Variants in RPTOR observed in about 807,000 individuals in gnomAD.
RPTOR encodes regulatory associated protein of MTOR complex 1.
A neutral mutation model predicts 169.9 loss-of-function variants in RPTOR; 21 were observed. The ratio of observed to expected loss-of-function variants is 0.12; its 90% confidence interval spans 0.09 to 0.18. The LOEUF (loss-of-function observed/expected upper bound fraction) is 0.18. RPTOR is among the 10% of genes least tolerant of loss of function. The pLI is 1.00. For synonymous variants in RPTOR, 732 were observed against 753.2 expected, an observed-to-expected ratio of 0.97 and a Z score of 0.46; for missense variants, 1,133 against 1,855.9, an observed-to-expected ratio of 0.61 and a Z score of 7.16.
intron 28 of RPTOR, among the ~76,000 whole-genome samples, chr17:80,950,132 C>T (rs551345768): frequency 6.6e-6 from 1 of 152,296 alleles, no homozygotes; most frequent in East Asian, 1.9e-4. Context: ...AGGAGGCTCC[C>T]GGGGTCAGGC....
intron 6 of RPTOR, among the ~76,000 whole-genome samples, chr17:80,773,135 T>C (rs2066861215): frequency 6.6e-6 from 1 of 151,080 alleles, no homozygotes; most frequent in Non-Finnish European, 1.5e-5. Flanking sequence ...GAGAAAGCAG[T>C]GTGTTTGGCT....
At chr17:80,811,774 A>G (rs35411641) in intron 7 of RPTOR, among the ~76,000 whole-genome samples, 11 of 131,024 alleles carry the variant, frequency 8.4e-5, no homozygotes, top group South Asian at 2.6e-4. Flanking sequence ...AAGGGACACA[A>G]CCACACCCTC....
At chr17:80,745,518 A>G (rs1169839863) in intron 5 of RPTOR, among the ~76,000 whole-genome samples, 2 of 122,098 alleles carry the variant, frequency 1.6e-5, no homozygotes, top group African/African-American at 2.7e-5. Flanking sequence ...TATATTAAAA[A>G]TATGATTTCT....
chr17:80,685,644 T>TTTTTTA (rs2065940359), intron 3 of RPTOR, among the ~76,000 whole-genome samples: 7 of 72,284 alleles, frequency 9.7e-5, no homozygotes, highest in Non-Finnish European at 8.4e-5. Context: ...TTTTTTTTTT[T>TTTTTTA]TTTTTTTTTT....
At chr17:80,700,811 G>GTGATGGTAGAGA (rs2066094072) in intron 3 of RPTOR, among the ~76,000 whole-genome samples, 1 of 90,192 alleles carries the variant, frequency 1.1e-5, no homozygotes, top group Non-Finnish European at 2.5e-5. Flanking sequence ...GATGATGGTG[G>GTGATGGTAGAGA]TGATGGTGAT....
chr17:80,838,793 C>T (rs1490415152), intron 10 of RPTOR, among the ~76,000 whole-genome samples: 1 of 152,154 alleles, frequency 6.6e-6, no homozygotes, highest in African/African-American at 2.4e-5. Context: ...GTGTCAGGCT[C>T]CAGAGCCACA....
intron 32 of RPTOR, 91 bp from the exon 33 acceptor site, chr17:80,962,837 G>T: frequency 6.4e-7 from 1 of 1,573,232 alleles, no homozygotes. Context: ...CCGTGGTCTA[G>T]CCGGCCTGTC....
intron 2 of RPTOR, among the ~76,000 whole-genome samples, chr17:80,629,236 T>G (rs921670676): frequency 2.0e-5 from 3 of 152,010 alleles, no homozygotes; most frequent in Non-Finnish European, 4.4e-5. Context: ...TCCATGTGTC[T>G]CTGTCTTCTG....
rs142485981 is a variant in RPTOR at position 80,799,550 on chromosome 17, T to C, written c.890+8041T>C. Reference sequence around the variant, plus strand: ...CCCTTGAGAATACCTCTCTTGCCACTAAGTGTGAGGACGACGTTGGTTCCT... The same window carrying C: ...CCCTTGAGAATACCTCTCTTGCCACCAAGTGTGAGGACGACGTTGGTTCCT... On this transcript the variant is annotated intron_variant, in intron 7 of 33. Coordinates refer to ENST00000306801, the MANE Select transcript of RPTOR (RefSeq NM_020761.3). Among the ~76,000 whole-genome samples, 354 of 152,340 alleles carry C rather than the reference T, an allele frequency of 2.3e-3. 1 individual carries two copies. Among genetic ancestry groups the C allele is most frequent in the African/African-American group, 8.1e-3 (335 of 41,578 alleles).
At chr17:80,678,184 G>C (rs2065873612) in intron 3 of RPTOR, among the ~76,000 whole-genome samples, 1 of 152,224 alleles carries the variant, frequency 6.6e-6, no homozygotes, top group Admixed American at 6.5e-5. Flanking sequence ...GTAGGTAGTT[G>C]ACAGAAAATT....
intron 1 of RPTOR, among the ~76,000 whole-genome samples, chr17:80,594,481 G>A (rs541345911): frequency 6.6e-6 from 1 of 152,234 alleles, no homozygotes; most frequent in African/African-American, 2.4e-5. Context: ...CTCTGTCAAT[G>A]TTCTTGGAAT....
rs962902878 is a variant in RPTOR at position 80,754,339 on chromosome 17, A to G, written c.830+154A>G. 5.3e-5 allele frequency among the ~76,000 whole-genome samples: 8 copies of G among 152,106 alleles called. No individual in the cohort carries two copies. Among genetic ancestry groups the G allele is most frequent in the African/African-American group, 1.9e-4 (8 of 41,416 alleles). ...TTCTTTTTGTGTCATTCGGGATTCC[A>G]GGTGGAGGTTTGGGTTCTACTCTTT... On this transcript the variant is annotated intron_variant, in intron 6 of 33. Transcript: ENST00000306801. This position sits in a 1 kb window ranked among gnomAD's most constrained non-coding sequence, Gnocchi z 4.2.
chr17:80,746,814 G>C lies in RPTOR; in HGVS notation c.655-7196G>C, dbSNP rs1281074094. Among the ~76,000 whole-genome samples, 2 of 151,802 alleles carry C rather than the reference G, an allele frequency of 1.3e-5. No homozygotes were observed. On this transcript the variant is annotated intron_variant, in intron 5 of 33. Transcript: ENST00000306801. The surrounding 1 kb of genome is among the most constrained non-coding windows in gnomAD (Gnocchi z 4.5). ...AGATGCAAAACCAAAACAGTGTATA[G>C]GAAATAACTCATCTGTTGAAATAGT... is the stretch of plus-strand genomic sequence containing the variant.
rs571617828 is a variant in RPTOR, at chr17:80,557,384, G to A, written c.162+11593G>A. Among the ~76,000 whole-genome samples the A allele has an allele frequency of 9.9e-5, 15 of 151,880 alleles. No homozygotes were observed. In the South Asian group the frequency reaches 1.0e-3, roughly 11 times the overall value. ...AAAAATTTAAAAATTAGGCGTGGTC[G>A]TGGATGCCTGTTATCCCAGCTACTT... On this transcript the variant is annotated intron_variant, in intron 1 of 33. Coordinates refer to ENST00000306801, the MANE Select transcript of RPTOR (RefSeq NM_020761.3).
Position 80,675,995 on chromosome 17 carries a change from G to A in RPTOR, c.349-31846G>A, listed in dbSNP as rs1000108474. 3.4e-4 allele frequency among the ~76,000 whole-genome samples: 51 copies of A among 152,148 alleles called. 1 individual carries two copies. Among genetic ancestry groups the A allele is most frequent in the African/African-American group, 1.2e-3 (48 of 41,422 alleles). ...TTCACTAAATCACAAAATCTGAAAGGTGTACAAGCAGACAATTCTGAAAGA... is the reference window on the plus strand; with the variant it reads ...TTCACTAAATCACAAAATCTGAAAGATGTACAAGCAGACAATTCTGAAAGA... On this transcript the variant is annotated intron_variant, in intron 3 of 33. Coordinates refer to ENST00000306801, the MANE Select transcript of RPTOR (RefSeq NM_020761.3).
chr17:80,634,151 G>GTACAGTGTGTGTGTGCA (rs2065464205), intron 2 of RPTOR, among the ~76,000 whole-genome samples: 2 of 119,034 alleles, frequency 1.7e-5, no homozygotes, highest in African/African-American at 9.0e-5. Flanking sequence ...GTGCGTGTGC[G>GTACAGTGTGTGTGTGCA]TACTGTGTGT....
chr17:80,576,094 C>T (rs2064960974), intron 1 of RPTOR, among the ~76,000 whole-genome samples: 1 of 152,106 alleles, frequency 6.6e-6, no homozygotes, highest in Non-Finnish European at 1.5e-5. Context: ...CTTCTGTAGC[C>T]TTGTATTTTT....
At chr17:80,900,066 C>T (rs974857923) in intron 20 of RPTOR, among the ~76,000 whole-genome samples, 2 of 152,168 alleles carry the variant, frequency 1.3e-5, no homozygotes, top group Non-Finnish European at 2.9e-5. Flanking sequence ...CGGCTCTGGG[C>T]ATCTCCCACC....
chr17:80,636,686 C>T (rs1231093273), intron 2 of RPTOR, among the ~76,000 whole-genome samples: 1 of 152,144 alleles, frequency 6.6e-6, no homozygotes, highest in Non-Finnish European at 1.5e-5. Flanking sequence ...ATAGCACTAG[C>T]CCCAGTATCC....
Sources: gnomAD v4.1 joint callset for allele counts (sites outside exome capture counted in the v4.1 genomes callset) on GRCh38, gnomAD v4.1.1 for gene constraint, Gnocchi (gnomAD v3.1) non-coding constraint, MANE v1.5 for transcripts, NCBI Gene and HGNC (gene_info 2026-07-23, HGNC 2026-07-21) for gene names.